Variants in ANKS1B observed in about 807,000 individuals in gnomAD.
ANKS1B encodes ankyrin repeat and sterile alpha motif domain containing 1B.
A neutral mutation model predicts 148.3 loss-of-function variants in ANKS1B; 36 were observed. That is an observed-to-expected ratio of 0.24 (90% CI 0.19 to 0.32). The LOEUF is 0.32. ANKS1B is among the 10% of genes least tolerant of loss of function. The pLI, the probability that ANKS1B is intolerant of heterozygous loss-of-function variation, is 1.00. For missense variants in ANKS1B, 1,157 were observed against 1,542.6 expected (o/e 0.75, Z 4.19); for synonymous variants, 542 against 560.8 (o/e 0.97, Z 0.47).
intron 1 of ANKS1B, among the ~76,000 whole-genome samples, chr12:99,919,936 ACTTT>A (rs2094302168): frequency 6.6e-6 from 1 of 152,104 alleles, no homozygotes. Flanking sequence ...CCCTCTTTTT[ACTTT>A]CTTTATGGTG....
intron 9 of ANKS1B, among the ~76,000 whole-genome samples, chr12:99,645,883 C>T (rs186215323): frequency 1.8e-3 from 279 of 152,274 alleles, no homozygotes; most frequent in Admixed American, 5.9e-3. Context: ...AGTCTACTGA[C>T]TGGTGTGGAA....
At chr12:98,948,551 G>C (rs1397710099) in intron 17 of ANKS1B, among the ~76,000 whole-genome samples, 1 of 152,134 alleles carries the variant, frequency 6.6e-6, no homozygotes, top group African/African-American at 2.4e-5. Context: ...GATCTTTTAA[G>C]TCCTAGCACT....
chr12:99,780,815 G>A (rs2064223035), intron 5 of ANKS1B, among the ~76,000 whole-genome samples: 1 of 152,092 alleles, frequency 6.6e-6, no homozygotes, highest in Non-Finnish European at 1.5e-5. Flanking sequence ...TGATTATTTT[G>A]AATTGTTGTC....
At chr12:99,168,570 G>A (rs188261396) in intron 14 of ANKS1B, among the ~76,000 whole-genome samples, 2 of 150,790 alleles carry the variant, frequency 1.3e-5, no homozygotes, top group East Asian at 3.9e-4. Context: ...AGAAAATACA[G>A]AATGATGAGG....
chr12:99,319,149 C>G (rs761215463), intron 12 of ANKS1B, among the ~76,000 whole-genome samples: 7 of 152,034 alleles, frequency 4.6e-5, no homozygotes, highest in Non-Finnish European at 1.0e-4. Flanking sequence ...TGTATATTCT[C>G]TTGATTTGGG....
chr12:98,882,545 A>C (rs2099710815), intron 17 of ANKS1B, among the ~76,000 whole-genome samples: 1 of 152,180 alleles, frequency 6.6e-6, no homozygotes. Context: ...TTTTAAAAAG[A>C]CAAAAACTAG....
intron 9 of ANKS1B, among the ~76,000 whole-genome samples, chr12:99,569,504 C>T (rs1185267762): frequency 6.6e-6 from 1 of 152,202 alleles, no homozygotes; most frequent in Non-Finnish European, 1.5e-5. Flanking sequence ...TAATATCTTT[C>T]CTACTTGGGA....
chr12:99,829,876 A>C (rs1603186076), intron 1 of ANKS1B, among the ~76,000 whole-genome samples: 1 of 152,066 alleles, frequency 6.6e-6, no homozygotes, highest in East Asian at 1.9e-4. Flanking sequence ...GCTTTGATAA[A>C]AAATAAAAAT....
In ANKS1B at chr12:99,399,723, C is replaced by T. The variant is rs768420955; in HGVS notation, c.1664G>A (p.Gly555Glu). The change falls in exon 12 of 27, where the codon GGG (glycine) becomes GAG (glutamate). Residue 555 changes from glycine to glutamate, a missense_variant. Physicochemically the swap from Gly to Glu is moderately conservative, Grantham distance 98. Transcript: ENST00000683438. ...QEYFEINTSTGCTSFTASPPA... is the reference protein window; with the variant it reads ...QEYFEINTSTECTSFTASPPA... ...AGGACTGGCAGTAAAGCTTGTGCAC[C>T]CTGTAGATGTGTTGATTTCAAAATA... 1 of 1,613,244 alleles carries T rather than the reference C, an allele frequency of 6.2e-7. No individual in the cohort carries two copies. Among genetic ancestry groups the T allele is most frequent in the Non-Finnish European group, 8.5e-7 (1 of 1,179,526 alleles).
chr12:98,764,707 A>T (rs926259094), intron 25 of ANKS1B, among the ~76,000 whole-genome samples: 4 of 152,222 alleles, frequency 2.6e-5, no homozygotes, highest in African/African-American at 9.6e-5. Flanking sequence ...TGATACCCTG[A>T]GTTCACTATT....
intron 9 of ANKS1B, among the ~76,000 whole-genome samples, chr12:99,607,394 T>C (rs2097858724): frequency 6.6e-6 from 1 of 151,726 alleles, no homozygotes; most frequent in African/African-American, 2.4e-5. Context: ...TTTTCCCCCA[T>C]GACTCATATA....
chr12:99,667,075 G>A (rs371634746), intron 8 of ANKS1B, among the ~76,000 whole-genome samples: 1 of 152,072 alleles, frequency 6.6e-6, no homozygotes, highest in Non-Finnish European at 1.5e-5. Context: ...GCTGAGTGCA[G>A]TGGTTCATGC....
Position 99,954,824 on chromosome 12 carries a change from G to T in ANKS1B, c.134+29280C>A, listed in dbSNP as rs986594320. On this transcript the variant is annotated intron_variant, in intron 1 of 26. Transcript: ENST00000683438. ...CGTCCCCAACAAAAAAAAATTATCT[G>T]GTCCAAATGTCAATAGTACCAAGGT... Among the ~76,000 whole-genome samples, 17 of 151,976 alleles carry T rather than the reference G, an allele frequency of 1.1e-4. 1 individual carries two copies. Among genetic ancestry groups the T allele is most frequent in the Admixed American group, 1.1e-3 (17 of 15,254 alleles).
intron 12 of ANKS1B, among the ~76,000 whole-genome samples, chr12:99,382,715 A>C (rs1566994804): frequency 2.1e-5 from 2 of 97,472 alleles, no homozygotes; most frequent in African/African-American, 8.9e-5. Context: ...AAAAAAAAAA[A>C]AAAGAGAGAG....
intron 1 of ANKS1B, among the ~76,000 whole-genome samples, chr12:99,965,883 G>A (rs1171366807): frequency 1.3e-5 from 2 of 152,208 alleles, no homozygotes; most frequent in Non-Finnish European, 2.9e-5. Context: ...CTGCACTCCA[G>A]CCTGGGCGAC....
chr12:99,548,838 C>G (rs1011332091), intron 9 of ANKS1B, among the ~76,000 whole-genome samples: 2 of 152,048 alleles, frequency 1.3e-5, no homozygotes, highest in African/African-American at 2.4e-5. Flanking sequence ...TTAGAAGTTG[C>G]GAAGATCATC....
At chr12:98,794,779 G>A in intron 22 of ANKS1B, 2 of 1,343,770 alleles carry the variant, frequency 1.5e-6, no homozygotes, top group Non-Finnish European at 2.1e-6. Context: ...GAATTGAAGA[G>A]ATCAAACAGA....
At chr12:99,875,833 T>C (rs2091990730) in intron 1 of ANKS1B, among the ~76,000 whole-genome samples, 1 of 152,218 alleles carries the variant, frequency 6.6e-6, no homozygotes, top group African/African-American at 2.4e-5. Flanking sequence ...GACAGACATG[T>C]CCTTGCCTTT....
intron 1 of ANKS1B, among the ~76,000 whole-genome samples, chr12:99,977,534 A>G (rs1427548235): frequency 6.6e-6 from 1 of 152,234 alleles, no homozygotes; most frequent in Admixed American, 6.5e-5. Flanking sequence ...GCACTGTGGA[A>G]AACAAAATTT....
Sources: gnomAD v4.1 joint callset for allele counts (sites outside exome capture counted in the v4.1 genomes callset) on GRCh38, gnomAD v4.1.1 for gene constraint, MANE v1.5 for transcripts, NCBI Gene and HGNC (gene_info 2026-07-23, HGNC 2026-07-21) for gene names.